ZNF2: variants seen among roughly 807,000 people sequenced by gnomAD.
The protein encoded by ZNF2 is zinc finger protein 2.2.
Under a neutral mutation model 21.9 loss-of-function variants are expected in ZNF2, and 12 were observed. The observed-to-expected ratio is 0.55, with a 90% confidence interval of 0.35 to 0.89. The LOEUF (loss-of-function observed/expected upper bound fraction) is 0.89, where lower values mean the gene tolerates loss of function less well. Among genes scored for constraint, ZNF2 ranks in the 40% least tolerant of loss-of-function variants. ZNF2 has a pLI of 0.01. For missense variants in ZNF2, 462 were observed against 544.2 expected, an observed-to-expected ratio of 0.85 and a Z score of 1.50; for synonymous variants, 186 against 196.3, an observed-to-expected ratio of 0.95 and a Z score of 0.44.
At position 95,175,699 on chromosome 2, in the gene ZNF2, C is replaced by T. The variant is rs561556020; in HGVS notation, c.-39-489C>T. On this transcript the variant is annotated intron_variant, in intron 1 of 4. Transcript: ENST00000614034. Reference sequence around the variant, plus strand: ...ACCTGTGGCCTAATCAGTGTGGCTCCGGGAATAAGACACAGGGTCACATGG... The same window carrying T: ...ACCTGTGGCCTAATCAGTGTGGCTCTGGGAATAAGACACAGGGTCACATGG... Among the ~76,000 whole-genome samples, 5 of 152,288 alleles carry T rather than the reference C, an allele frequency of 3.3e-5. No individual in the cohort carries two copies. The South Asian group carries it at 6.2e-4, about 19-fold the overall frequency.
intron 3 of ZNF2, among the ~76,000 whole-genome samples, chr2:95,178,156 G>C (rs1674511985): frequency 6.6e-6 from 1 of 152,188 alleles, no homozygotes; most frequent in Non-Finnish European, 1.5e-5. Flanking sequence ...TAATTATAGA[G>C]ACTTGTGTGA....
chr2:95,177,401 G>A, intron 2 of ZNF2, 82 bp from the exon 3 acceptor site: 1 of 1,534,692 alleles, frequency 6.5e-7, no homozygotes, highest in South Asian at 1.2e-5. Context: ...GCGTCCTCCA[G>A]GGCTGTCATC....
At chr2:95,171,401 G>A (rs1210266887) in intron 1 of ZNF2, among the ~76,000 whole-genome samples, 3 of 145,146 alleles carry the variant, frequency 2.1e-5, no homozygotes, top group Non-Finnish European at 4.5e-5. Context: ...TTTTTTCCCC[G>A]ACTCAGAGTC....
intron 3 of ZNF2, among the ~76,000 whole-genome samples, 181 bp downstream of exon 3, chr2:95,177,790 T>A (rs1292254598): frequency 6.6e-6 from 1 of 152,148 alleles, no homozygotes; most frequent in Non-Finnish European, 1.5e-5. Flanking sequence ...AACCCCAGCA[T>A]TGGGCAGACA....
intron 1 of ZNF2, among the ~76,000 whole-genome samples, chr2:95,167,505 CA>C (rs756206050): frequency 0.017 from 760 of 44,936 alleles, 4 homozygotes; most frequent in African/African-American, 0.051. Context: ...GACTCAGTCT[CA>C]AAAAAAAAAA....
At chr2:95,169,519 C>T (rs1410387949) in intron 1 of ZNF2, among the ~76,000 whole-genome samples, 3 of 152,172 alleles carry the variant, frequency 2.0e-5, no homozygotes, top group Non-Finnish European at 4.4e-5. Flanking sequence ...CTTTGGGATG[C>T]CAAGGTGGGG....
intron 1 of ZNF2, among the ~76,000 whole-genome samples, chr2:95,167,165 C>T (rs1239136485): frequency 6.6e-6 from 1 of 152,140 alleles, no homozygotes; most frequent in Non-Finnish European, 1.5e-5. Flanking sequence ...ACAGTAACCA[C>T]TTGAATAAGC....
chr2:95,169,017 A>T (rs181169886), intron 1 of ZNF2, among the ~76,000 whole-genome samples: 23 of 152,288 alleles, frequency 1.5e-4, no homozygotes, highest in South Asian at 6.2e-4. Flanking sequence ...CTCCAGTGAT[A>T]CTCTGAGATG....
At chr2:95,171,994 A>C (rs535037460) in intron 1 of ZNF2, among the ~76,000 whole-genome samples, 4 of 152,208 alleles carry the variant, frequency 2.6e-5, no homozygotes, top group African/African-American at 9.7e-5. Context: ...GGGAAAAGAC[A>C]AGCCGGGTAG....
chr2:95,174,803 C>G (rs1674387795), intron 1 of ZNF2, among the ~76,000 whole-genome samples: 2 of 152,202 alleles, frequency 1.3e-5, no homozygotes, highest in South Asian at 4.1e-4. Context: ...AGGACAAAGA[C>G]AGTGTCTGAC....
chr2:95,173,341 A>G (rs906448714), intron 1 of ZNF2, among the ~76,000 whole-genome samples: 4 of 152,204 alleles, frequency 2.6e-5, no homozygotes, highest in African/African-American at 4.8e-5. Flanking sequence ...AGTTGTTTGC[A>G]GTTTATCACT....
At chr2:95,175,450 A>G (rs1413529579) in intron 1 of ZNF2, among the ~76,000 whole-genome samples, 3 of 152,116 alleles carry the variant, frequency 2.0e-5, no homozygotes, top group African/African-American at 4.8e-5. Flanking sequence ...CCCGTGGTCT[A>G]TTATGACCTT....
intron 1 of ZNF2, among the ~76,000 whole-genome samples, chr2:95,173,122 T>C (rs1443924941): frequency 6.6e-6 from 1 of 152,068 alleles, no homozygotes; most frequent in Non-Finnish European, 1.5e-5. Context: ...TATTTACCTG[T>C]TTTTAAATTT....
intron 1 of ZNF2, among the ~76,000 whole-genome samples, chr2:95,172,929 A>G (rs3112229): frequency 0.8 from 120,667 of 151,086 alleles, 48,489 homozygotes; most frequent in African/African-American, 0.88. Context: ...GAGCCACTGC[A>G]CCTGGCCGTT....
chr2:95,181,563 T>C lies in ZNF2; in HGVS notation c.735T>C (p.Thr245=). Residue 245 remains threonine (T), a synonymous_variant, in exon 5 of 5, where the codon ACT becomes ACC. Transcript: ENST00000614034. ...SKAFFDRSSL[T]VHQRIHTGEK... ...CCTTCTTTGACCGTTCGTCCCTAAC[T>C]GTCCATCAGCGAATTCACACTGGAG... 6.2e-7 allele frequency: 1 copy of C among 1,614,206 alleles called. No individual in the cohort carries two copies. Among genetic ancestry groups the C allele is most frequent in the Non-Finnish European group, 8.5e-7 (1 of 1,180,036 alleles).
rs1457264081 is a variant in ZNF2, at chr2:95,183,939, A to C, written c.*1833A>C. 1 of 152,086 alleles carries C rather than the reference A, an allele frequency of 6.6e-6. No homozygotes were observed. The highest frequency in any genetic ancestry group is 1.5e-5 in the Non-Finnish European group (1 of 68,036). 9.4% of individuals were successfully genotyped at this position (152,086 alleles called of 1,614,324 possible). A position where few individuals can be genotyped will look rare whatever the true frequency, so the allele number is the denominator to read the frequency against. ...CCGGCCTATATTTTTATTTTATTAA[A>C]GGTTAGGCACTAGATGACCTTGACT... On this transcript the variant is annotated 3_prime_UTR_variant, in exon 5 of 5. Transcript: ENST00000614034.
At chr2:95,168,203 G>T (rs1168360247) in intron 1 of ZNF2, among the ~76,000 whole-genome samples, 1 of 152,026 alleles carries the variant, frequency 6.6e-6, no homozygotes, top group Non-Finnish European at 1.5e-5. Context: ...GAGGCAGGCA[G>T]ATCATGAGGT....
At chr2:95,170,652 G>C (rs746045670) in intron 1 of ZNF2, among the ~76,000 whole-genome samples, 2 of 152,184 alleles carry the variant, frequency 1.3e-5, no homozygotes, top group African/African-American at 2.4e-5. Flanking sequence ...CTGGTCTTTT[G>C]ACATTTTTGA....
intron 1 of ZNF2, among the ~76,000 whole-genome samples, chr2:95,175,681 G>T (rs1297310967): frequency 6.6e-6 from 1 of 152,154 alleles, no homozygotes; most frequent in African/African-American, 2.4e-5. Context: ...CCCACCTGTG[G>T]CCTAATCAGT....
Sources: gnomAD v4.1 joint callset for allele counts (sites outside exome capture counted in the v4.1 genomes callset) on GRCh38, gnomAD v4.1.1 for gene constraint, MANE v1.5 for transcripts, NCBI Gene and HGNC (gene_info 2026-07-23, HGNC 2026-07-21) for gene names.